The following ST8SIA6 variants were observed in gnomAD, a reference collection of about 807,000 sequenced individuals.
The protein encoded by ST8SIA6 is ST8 alpha-N-acetyl-neuraminide alpha-2,8-sialyltransferase 6.
In ST8SIA6, 39 loss-of-function variants were observed where a neutral mutation model predicts 33.6. The ratio of observed to expected loss-of-function variants is 1.16; its 90% confidence interval spans 0.90 to 1.52. The LOEUF (loss-of-function observed/expected upper bound fraction) is 1.52, where lower values mean the gene tolerates loss of function less well. Ranked by LOEUF, ST8SIA6 falls within the 40% of genes most tolerant of loss-of-function variation. ST8SIA6 has a pLI of 0.00. For missense variants in ST8SIA6, 441 were observed against 443.8 expected, an observed-to-expected ratio of 0.99 and a Z score of 0.06; for synonymous variants, 172 against 167.2, an observed-to-expected ratio of 1.03 and a Z score of -0.22.
rs1257479148 is a variant in ST8SIA6 at position 17,317,986 on chromosome 10, A to G, written c.*2892T>C. 6.6e-6 allele frequency among the ~76,000 whole-genome samples: 1 copy of G among 152,208 alleles called. No individual in the cohort carries two copies. The highest frequency in any genetic ancestry group is 1.5e-5 in the Non-Finnish European group (1 of 68,030). ...CGCAAAAATTAACACTATGCAATTGATCATGAAGCCCTTTGCAGGGACCAC... is the reference window on the plus strand; with the variant it reads ...CGCAAAAATTAACACTATGCAATTGGTCATGAAGCCCTTTGCAGGGACCAC... On this transcript the variant is annotated 3_prime_UTR_variant, in exon 8 of 8. Coordinates refer to ENST00000377602, the MANE Select transcript of ST8SIA6 (RefSeq NM_001004470.3).
At chr10:17,445,329 A>C (rs10508542) in intron 2 of ST8SIA6, among the ~76,000 whole-genome samples, 1 of 152,164 alleles carries the variant, frequency 6.6e-6, no homozygotes, top group East Asian at 1.9e-4. Context: ...GTCTACACAA[A>C]ATGACAAGCG....
At chr10:17,329,562 G>A (rs1049692680) in intron 5 of ST8SIA6, among the ~76,000 whole-genome samples, 3 of 152,108 alleles carry the variant, frequency 2.0e-5, no homozygotes, top group Admixed American at 6.6e-5. Context: ...CTACTAAATG[G>A]TGCCACCATA....
chr10:17,327,052 G>A lies in ST8SIA6; in HGVS notation c.597C>T (p.Leu199=). The A allele has an allele frequency of 6.2e-7, 1 of 1,609,126 alleles. No individual in the cohort carries two copies. Among genetic ancestry groups the A allele is most frequent in the Non-Finnish European group, 8.5e-7 (1 of 1,178,012 alleles). The change falls in exon 6 of 8, where the codon CTC becomes CTT. Residue 199 remains leucine, a synonymous_variant. Coordinates refer to ENST00000377602, the MANE Select transcript of ST8SIA6 (RefSeq NM_001004470.3). The part of the protein sequence containing the change: ...VGNGGILNKS[L]CGTEIDKSDF... ...CGGATTTATCTATTTCAGTTCCACA[G>A]AGAGACTTATTCAGAATTCCCCCAT...
chr10:17,354,906 A>G (rs928847319), intron 4 of ST8SIA6, among the ~76,000 whole-genome samples: 1 of 152,194 alleles, frequency 6.6e-6, no homozygotes, highest in African/African-American at 2.4e-5. Context: ...CAGATTAAGA[A>G]TCTTCCTAGT....
At chr10:17,431,139 G>A (rs1216249433) in intron 2 of ST8SIA6, among the ~76,000 whole-genome samples, 3 of 152,058 alleles carry the variant, frequency 2.0e-5, no homozygotes, top group East Asian at 1.9e-4. Flanking sequence ...CTTTGCTCTC[G>A]TCCTTTTTTC....
At chr10:17,362,104 T>A (rs7894828) in intron 3 of ST8SIA6, among the ~76,000 whole-genome samples, 55,871 of 151,716 alleles carry the variant, frequency 0.37, 10,481 homozygotes, top group East Asian at 0.6. Context: ...GAAAAAGACA[T>A]GATTGTCCAC....
rs1286706268 is a variant in ST8SIA6 at position 17,317,863 on chromosome 10, A to G, written c.*3015T>C. ...GGGTTAGGACTTACATGAAGAAGGAAATATCCTTTAGTGAAAGCCATGATC... is the reference window on the plus strand; with the variant it reads ...GGGTTAGGACTTACATGAAGAAGGAGATATCCTTTAGTGAAAGCCATGATC... On this transcript the variant is annotated 3_prime_UTR_variant, in exon 8 of 8. Transcript: ENST00000377602. 1.3e-5 allele frequency among the ~76,000 whole-genome samples: 2 copies of G among 152,214 alleles called. No individual in the cohort carries two copies. The highest frequency in any genetic ancestry group is 1.3e-4 in the Admixed American group (2 of 15,280).
intron 2 of ST8SIA6, among the ~76,000 whole-genome samples, chr10:17,448,701 C>T (rs34573199): frequency 0.091 from 13,788 of 151,822 alleles, 837 homozygotes; most frequent in Middle Eastern, 0.15. Flanking sequence ...CTGCAAGCTC[C>T]GCCTCCTGGG....
At chr10:17,379,455 A>C (rs570525224) in intron 3 of ST8SIA6, among the ~76,000 whole-genome samples, 4 of 152,318 alleles carry the variant, frequency 2.6e-5, no homozygotes, top group African/African-American at 7.2e-5. Context: ...TGGGCCCCCA[A>C]AATCACTAAG....
At chr10:17,365,048 A>AT (rs1172515887) in intron 3 of ST8SIA6, among the ~76,000 whole-genome samples, 5 of 152,214 alleles carry the variant, frequency 3.3e-5, no homozygotes, top group Admixed American at 2.6e-4. Flanking sequence ...TATCTCATCT[A>AT]TTTTCATAAT....
chr10:17,415,791 C>T (rs554701610), intron 2 of ST8SIA6, among the ~76,000 whole-genome samples: 2 of 149,882 alleles, frequency 1.3e-5, no homozygotes, highest in East Asian at 2.0e-4. Flanking sequence ...ATTCAATGGA[C>T]GCCTCACTTG....
chr10:17,442,749 G>T (rs572437930), intron 2 of ST8SIA6, among the ~76,000 whole-genome samples: 45 of 152,264 alleles, frequency 3.0e-4, no homozygotes, highest in African/African-American at 1.0e-3. Context: ...CAACTCTGCA[G>T]GTTTAAATCA....
intron 3 of ST8SIA6, among the ~76,000 whole-genome samples, chr10:17,379,646 T>C (rs548043757): frequency 4.6e-5 from 7 of 152,272 alleles, no homozygotes; most frequent in African/African-American, 1.7e-4. Flanking sequence ...CCCTCCCTGC[T>C]TGGAGGCTTC....
At chr10:17,333,675 AT>A (rs1848373148) in intron 4 of ST8SIA6, among the ~76,000 whole-genome samples, 1 of 9,206 alleles carries the variant, frequency 1.1e-4, no homozygotes, top group Non-Finnish European at 1.9e-4. Context: ...GTGCTGGGAT[AT>A]ATATATATAT....
At position 17,320,555 on chromosome 10, in the gene ST8SIA6, G is replaced by A. The variant is rs931745787; in HGVS notation, c.*323C>T. The A allele has an allele frequency of 7.7e-5, 22 of 287,418 alleles. No individual in the cohort carries two copies. In the South Asian group the frequency reaches 1.0e-3, roughly 14 times the overall value. The allele number at this position is 287,418 out of a possible 1,614,324, so 17.8% of individuals were successfully genotyped here. ...AGCATGCTTTTATTATCGGTCTGGTGAAGGTGGAGATGGCTGGTATAAATA... is the reference window on the plus strand; with the variant it reads ...AGCATGCTTTTATTATCGGTCTGGTAAAGGTGGAGATGGCTGGTATAAATA... On this transcript the variant is annotated 3_prime_UTR_variant, in exon 8 of 8. Coordinates refer to ENST00000377602, the MANE Select transcript of ST8SIA6 (RefSeq NM_001004470.3).
Position 17,318,790 on chromosome 10 carries a change from C to A in ST8SIA6, c.*2088G>T. ...ACAGAACAAAAAGAACTGTGACTTA[C>A]GTTTTACAGTTTACATAGCTGACAT... On this transcript the variant is annotated 3_prime_UTR_variant, in exon 8 of 8. Transcript: ENST00000377602. The A allele has an allele frequency of 4.4e-6, 2 of 455,546 alleles. No individual in the cohort carries two copies. The highest frequency in any genetic ancestry group is 8.9e-6 in the Non-Finnish European group (2 of 225,132). The allele number at this position is 455,546 out of a possible 1,614,324, so 28.2% of individuals were successfully genotyped here. A position where few individuals can be genotyped will look rare whatever the true frequency, so the allele number is the denominator to read the frequency against.
At chr10:17,425,433 G>T (rs1851903700) in intron 2 of ST8SIA6, among the ~76,000 whole-genome samples, 1 of 152,100 alleles carries the variant, frequency 6.6e-6, no homozygotes, top group South Asian at 2.1e-4. Flanking sequence ...GCTAGGCATG[G>T]TGGTGCGCCT....
At chr10:17,350,227 AC>A (rs1386927645) in intron 4 of ST8SIA6, among the ~76,000 whole-genome samples, 5 of 152,230 alleles carry the variant, frequency 3.3e-5, no homozygotes, top group African/African-American at 7.2e-5. Flanking sequence ...AGTAGAAGGT[AC>A]TATGAAAGAG....
At chr10:17,366,563 A>AC (rs1849565457) in intron 3 of ST8SIA6, among the ~76,000 whole-genome samples, 1 of 152,084 alleles carries the variant, frequency 6.6e-6, no homozygotes. Flanking sequence ...ACCTCAGCCA[A>AC]CCAAGAGGGA....
Sources: gnomAD v4.1 joint callset for allele counts (sites outside exome capture counted in the v4.1 genomes callset) on GRCh38, gnomAD v4.1.1 for gene constraint, MANE v1.5 for transcripts, NCBI Gene and HGNC (gene_info 2026-07-23, HGNC 2026-07-21) for gene names.